Variants in NUP58 observed in about 807,000 individuals in gnomAD.
The protein encoded by NUP58 is nucleoporin p58/p45.
Under a neutral mutation model 70.1 loss-of-function variants are expected in NUP58, and 17 were observed. The ratio of observed to expected loss-of-function variants is 0.24; its 90% CI spans 0.17 to 0.36. NUP58 has a LOEUF of 0.36. Ranked by LOEUF, NUP58 falls within the 10% of genes least tolerant of loss-of-function variation. The pLI, the probability that NUP58 is intolerant of heterozygous loss-of-function variation, is 1.00. For synonymous variants in NUP58, 275 were observed against 257.6 expected, an observed-to-expected ratio of 1.07 and a Z score of -0.65; for missense variants, 644 against 701.5, an observed-to-expected ratio of 0.92 and a Z score of 0.93.
Position 25,341,624 on chromosome 13 carries a change from A to G in NUP58, c.*1490A>G, listed in dbSNP as rs2031957989. On this transcript the variant is annotated 3_prime_UTR_variant, in exon 16 of 16. Coordinates refer to ENST00000381736, the MANE Select transcript of NUP58 (RefSeq NM_014089.4). ...GAGCTCCAGGTAATAACGCATAGGC[A>G]TGTCAGGTTGCATCTGTATATTTGA... 6.6e-6 allele frequency: 1 copy of G among 152,608 alleles called. No homozygotes were observed. The highest frequency in any genetic ancestry group is 2.4e-5 in the African/African-American group (1 of 41,452). The allele number at this position is 152,608 out of a possible 1,614,324, so 9.5% of individuals were successfully genotyped here.
downstream of NUP58, among the ~76,000 whole-genome samples, chr13:25,344,579 T>C (rs1007231754): frequency 2.6e-5 from 4 of 152,256 alleles, no homozygotes; most frequent in Admixed American, 6.5e-5. Flanking sequence ...AGATGAACTT[T>C]AGTGTCTATT....
At chr13:25,333,917 T>A (rs2137822165) in intron 13 of NUP58, 1 of 985,432 alleles carries the variant, frequency 1.0e-6, no homozygotes, top group East Asian at 1.1e-4. Flanking sequence ...CATATGAAAT[T>A]TTTATTAACA....
rs2030438269 is a variant in NUP58 at position 25,307,673 on chromosome 13, A to G, written c.108-133A>G. 4 of 772,832 alleles carry G rather than the reference A, an allele frequency of 5.2e-6. No individual in the cohort carries two copies. In the South Asian group the frequency reaches 8.5e-5, roughly 16 times the overall value. 47.9% of individuals were successfully genotyped at this position (772,832 alleles called of 1,614,324 possible). ...TATTTTTCTTTTTGGGTCCTATGAC[A>G]ATGTATTAGATATGTTATGTGAATG... On this transcript the variant is annotated intron_variant, in intron 1 of 15. Transcript: ENST00000381736.
At chr13:25,330,906 A>T (rs535509838) in intron 12 of NUP58, among the ~76,000 whole-genome samples, 1 of 152,178 alleles carries the variant, frequency 6.6e-6, no homozygotes, top group East Asian at 1.9e-4. Flanking sequence ...AAAAGTATGT[A>T]TATTTAGTGC....
intron 13 of NUP58, chr13:25,335,975 T>TA (rs59246269): frequency 0.026 from 19,726 of 750,180 alleles, 5 homozygotes; most frequent in South Asian, 0.038. Flanking sequence ...TGCTTAGTTT[T>TA]AAAAAAAAAA....
At chr13:25,348,228 A>T (rs2032072118) in intron 3 of NUP58, among the ~76,000 whole-genome samples, 1 of 152,246 alleles carries the variant, frequency 6.6e-6, no homozygotes, top group Non-Finnish European at 1.5e-5. Context: ...CTACATTGTC[A>T]ATTGTAAAAT....
intron 12 of NUP58, among the ~76,000 whole-genome samples, chr13:25,330,185 A>G (rs1319529709): frequency 2.6e-5 from 4 of 152,096 alleles, no homozygotes; most frequent in African/African-American, 9.7e-5. Flanking sequence ...ATTATTTTCC[A>G]TTATCTGAAG....
At chr13:25,319,723 C>G (rs2031099683) in intron 7 of NUP58, among the ~76,000 whole-genome samples, 1 of 151,916 alleles carries the variant, frequency 6.6e-6, no homozygotes, top group East Asian at 1.9e-4. Context: ...GTTTTATGTC[C>G]TGGTGTTTTC....
chr13:25,345,679 C>T (rs994148398), downstream of NUP58, among the ~76,000 whole-genome samples: 13 of 152,100 alleles, frequency 8.5e-5, no homozygotes, highest in African/African-American at 2.9e-4. Flanking sequence ...CAAGAAAACC[C>T]TTCCTGGAAG....
intron 5 of NUP58, among the ~76,000 whole-genome samples, chr13:25,314,050 C>T (rs759322991): frequency 4.6e-5 from 7 of 152,110 alleles, no homozygotes; most frequent in Non-Finnish European, 8.8e-5. Context: ...CCTGCCTCAG[C>T]CTCCTGAGTA....
chr13:25,344,724 GTT>G (rs1325911734), downstream of NUP58, among the ~76,000 whole-genome samples: 2 of 152,122 alleles, frequency 1.3e-5, no homozygotes, highest in East Asian at 3.8e-4. Context: ...TTTTAACAAA[GTT>G]TTTATTAGAT....
chr13:25,314,925 TATATTC>T (rs1476928898), intron 5 of NUP58, among the ~76,000 whole-genome samples: 8 of 152,204 alleles, frequency 5.3e-5, no homozygotes, highest in Admixed American at 3.9e-4. Context: ...CAATACATGT[TATATTC>T]AAATGTTATA....
chr13:25,328,358 A>G (rs2031479939), intron 12 of NUP58, among the ~76,000 whole-genome samples: 1 of 151,336 alleles, frequency 6.6e-6, no homozygotes, highest in African/African-American at 2.4e-5. Context: ...TAGTGTAAAT[A>G]AAATGATTTA....
chr13:25,336,175 C>A (rs765996043), intron 13 of NUP58: 3 of 1,362,314 alleles, frequency 2.2e-6, no homozygotes, highest in Admixed American at 3.9e-5. Context: ...AGGTACACAG[C>A]GGTGCCTTTG....
At chr13:25,328,855 GA>G (rs2031502547) in intron 12 of NUP58, among the ~76,000 whole-genome samples, 1 of 152,058 alleles carries the variant, frequency 6.6e-6, no homozygotes, top group South Asian at 2.1e-4. Flanking sequence ...TTCAAGCAGC[GA>G]AACCTGAGTC....
chr13:25,311,673 C>CTTTTT (rs149489423), intron 3 of NUP58, among the ~76,000 whole-genome samples: 2 of 121,956 alleles, frequency 1.6e-5, no homozygotes, highest in Non-Finnish European at 1.7e-5. Flanking sequence ...CGGCACCTGT[C>CTTTTT]TTTTTTTTTT....
chr13:25,325,934 A>G (rs187090995), intron 10 of NUP58, among the ~76,000 whole-genome samples: 163 of 152,326 alleles, frequency 1.1e-3, no homozygotes, highest in African/African-American at 3.8e-3. Context: ...AGAACTAAAA[A>G]TTCCTGTATG....
At chr13:25,317,266 G>A (rs755427414) in intron 6 of NUP58, among the ~76,000 whole-genome samples, 1 of 151,330 alleles carries the variant, frequency 6.6e-6, no homozygotes, top group Non-Finnish European at 1.5e-5. Flanking sequence ...AAGTCATGGA[G>A]TCCTTATTTG....
intron 11 of NUP58, 72 bp downstream of exon 11, chr13:25,327,106 AT>A (rs1452431163): frequency 3.6e-6 from 3 of 833,346 alleles, no homozygotes. Flanking sequence ...TATAATAGGT[AT>A]TTTGGATAAC....
Sources: gnomAD v4.1 joint callset for allele counts (sites outside exome capture counted in the v4.1 genomes callset) on GRCh38, gnomAD v4.1.1 for gene constraint, MANE v1.5 for transcripts, NCBI Gene and HGNC (gene_info 2026-07-23, HGNC 2026-07-21) for gene names.